The following POLE2 variants were observed in gnomAD, a reference collection of about 807,000 sequenced individuals.
POLE2 encodes the protein DNA polymerase epsilon 2, accessory subunit.
Under a neutral mutation model 79.4 loss-of-function variants are expected in POLE2, and 56 were observed. That is an observed-to-expected ratio of 0.71 (90% CI 0.57 to 0.88). The LOEUF is 0.88. POLE2 is among the 40% of genes least tolerant of loss of function. POLE2 has a pLI of 0.00. For missense variants in POLE2, 598 were observed against 638.9 expected (o/e 0.94, Z 0.69); for synonymous variants, 212 against 214.0 (o/e 0.99, Z 0.08).
Position 49,665,176 on chromosome 14 carries a change from AAAT to A in POLE2, c.577-16_577-14del, listed in dbSNP as rs769889971. On this transcript the variant is annotated splice_polypyrimidine_tract_variant and intron_variant, in intron 7 of 18. Transcript: ENST00000216367. ...GAAAAAATTTTCCCTAAAAAAATGA[AAAT>A]AAATAAATCCACATTTATGTAACAA... 1.3e-5 allele frequency: 15 copies of A among 1,140,628 alleles called. No individual in the cohort carries two copies. In the African/African-American group the frequency reaches 1.9e-4, roughly 14 times the overall value. The allele number at this position is 1,140,628 out of a possible 1,614,324, so 70.7% of individuals were successfully genotyped here.
intron 3 of POLE2, among the ~76,000 whole-genome samples, chr14:49,679,229 T>A (rs1322478402): frequency 6.6e-6 from 1 of 152,092 alleles, no homozygotes; most frequent in Admixed American, 6.6e-5. Context: ...GAAAGAGGGA[T>A]ATTCAGAGAA....
chr14:49,686,142 G>C (rs1248325262), intron 1 of POLE2, among the ~76,000 whole-genome samples: 1 of 152,158 alleles, frequency 6.6e-6, no homozygotes, highest in East Asian at 1.9e-4. Context: ...ACTCCTGGTA[G>C]TTACACCTAT....
chr14:49,677,314 G>T (rs1886352779), intron 3 of POLE2: 2 of 533,642 alleles, frequency 3.7e-6, no homozygotes, highest in South Asian at 4.4e-5. Context: ...TGGAGAGAAA[G>T]GCCGAAGGAC....
At position 49,655,062 on chromosome 14, in the gene POLE2, G is replaced by C; in HGVS notation, c.961C>G (p.Leu321Val). 1 of 1,565,356 alleles carries C rather than the reference G, an allele frequency of 6.4e-7. No homozygotes were observed. The change falls in exon 12 of 19, where the codon CTG (leucine) becomes GTG (valine). Residue 321 changes from leucine to valine, a missense_variant. Physicochemically the swap from Leu to Val is conservative, Grantham distance 32. Transcript: ENST00000216367. ...YSPAPPTCFI[L>V]CGNFSSAPYG... ...GGTGCAGATGAAAAATTACCACACA[G>C]AATAAAGCAGGTTGGAGGTGCTGGT... is the stretch of plus-strand genomic sequence containing the variant.
intron 15 of POLE2, among the ~76,000 whole-genome samples, chr14:49,651,828 C>T (rs1451296363): frequency 1.3e-5 from 2 of 151,990 alleles, no homozygotes; most frequent in Non-Finnish European, 2.9e-5. Flanking sequence ...AGGCTTGAAG[C>T]GGAAGAGGGA....
At chr14:49,655,610 A>G (rs988990517) in intron 11 of POLE2, 61 bp downstream of exon 11, 1 of 1,152,726 alleles carries the variant, frequency 8.7e-7, no homozygotes, top group Non-Finnish European at 1.3e-6. Flanking sequence ...GAATACTCAA[A>G]AAGTTTTAAA....
Position 49,664,662 on chromosome 14 carries a change from C to T in POLE2, c.646G>A (p.Gly216Ser). The part of the protein sequence containing the change: ...LDLSKAQFHS[G>S]LYTEACFVLA... ...ACAAAGCATGCCTCTGTGTATAAACCACTATGGAACTGGTACACAACAGTT... is the reference window on the plus strand; with the variant it reads ...ACAAAGCATGCCTCTGTGTATAAACTACTATGGAACTGGTACACAACAGTT... Residue 216 changes from glycine to serine, a missense_variant, in exon 9 of 19, where the codon GGT (glycine) becomes AGT (serine). Gly to Ser is a moderately conservative substitution (Grantham distance 56). Coordinates refer to ENST00000216367, the MANE Select transcript of POLE2 (RefSeq NM_002692.4). 1 of 1,588,904 alleles carries T rather than the reference C, an allele frequency of 6.3e-7. No individual in the cohort carries two copies. Among genetic ancestry groups the T allele is most frequent in the Non-Finnish European group, 8.6e-7 (1 of 1,157,304 alleles).
intron 6 of POLE2, among the ~76,000 whole-genome samples, chr14:49,667,332 A>G (rs1885560286): frequency 6.6e-6 from 1 of 152,182 alleles, no homozygotes; most frequent in South Asian, 2.1e-4. Context: ...CTATTCTGCA[A>G]CTTAACTAAT....
rs760820707 is a variant in POLE2 at position 49,654,165 on chromosome 14, T to C, written c.1123A>G (p.Ile375Val). 4 of 1,611,370 alleles carry C rather than the reference T, an allele frequency of 2.5e-6. No homozygotes were observed. The Admixed American group carries it at 5.0e-5, about 20-fold the overall frequency. Residue 375 changes from isoleucine to valine, a missense_variant, in exon 14 of 19, where the codon ATC becomes GTC. By Grantham distance (29) the Ile-to-Val change is conservative. Coordinates refer to ENST00000216367, the MANE Select transcript of POLE2 (RefSeq NM_002692.4). ...CTGAACAAAACTTACCTTGGTAAGA[T>C]GGAACCAAATCCAGGATCCTCTGGA... ...PGPEDPGFGSILPRPPLAESI... is the reference protein window; with the variant it reads ...PGPEDPGFGSVLPRPPLAESI...
At position 49,665,644 on chromosome 14, in the gene POLE2, T is replaced by G. The variant is rs114644463; in HGVS notation, c.577-481A>C. Among the ~76,000 whole-genome samples the G allele has an allele frequency of 5.3e-3, 811 of 151,752 alleles. 3 individuals carry two copies. The highest frequency in any genetic ancestry group is 0.019 in the African/African-American group (771 of 41,450). ...ACCAAACACAGATGAAAAAGACACT[T>G]GGTGACTGAGAAAAGGTTTTTGTTT... On this transcript the variant is annotated intron_variant, in intron 7 of 18. Transcript: ENST00000216367.
Position 49,654,221 on chromosome 14 carries a change from CA to C in POLE2, c.1074-8del. 6.3e-7 allele frequency: 1 copy of C among 1,587,590 alleles called. No homozygotes were observed. The highest frequency in any genetic ancestry group is 1.1e-5 in the South Asian group (1 of 89,442). On this transcript the variant is annotated splice_region_variant and splice_polypyrimidine_tract_variant and intron_variant, in intron 13 of 18. Coordinates refer to ENST00000216367, the MANE Select transcript of POLE2 (RefSeq NM_002692.4). ...TACAAACACAAAACGACTACTGTAG[CA>C]AAATTCAACACAATTCATTTAAAAA...
chr14:49,659,393 A>C (rs939057093), intron 10 of POLE2, among the ~76,000 whole-genome samples: 4 of 152,130 alleles, frequency 2.6e-5, no homozygotes, highest in South Asian at 2.1e-4. Context: ...AAGAGAGTAC[A>C]GTTGTATCAG....
rs187587616 is a variant in POLE2, at chr14:49,677,660, A to C, written c.245+2065T>G. The C allele has an allele frequency of 8.6e-6, 7 of 812,368 alleles. No individual in the cohort carries two copies. The Admixed American group carries it at 1.7e-4, about 20-fold the overall frequency. 50.3% of individuals were successfully genotyped at this position (812,368 alleles called of 1,614,324 possible). A position where few individuals can be genotyped will look rare whatever the true frequency, so the allele number is the denominator to read the frequency against. On this transcript the variant is annotated intron_variant, in intron 3 of 18. Transcript: ENST00000216367. ...CCTGGGCTGTGTGATATATGCCACA[A>C]TGTTTGGGGAAGGCCCTTACGAAAT...
At chr14:49,650,529 T>C in intron 16 of POLE2, 88 bp from the exon 17 acceptor site, 2 of 883,242 alleles carry the variant, frequency 2.3e-6, no homozygotes, top group Non-Finnish European at 3.1e-6. Context: ...AAATATTAAT[T>C]ACCAAAAGGA....
chr14:49,687,819 C>G (rs1887266117), intron 1 of POLE2, among the ~76,000 whole-genome samples: 1 of 152,058 alleles, frequency 6.6e-6, no homozygotes, highest in African/African-American at 2.4e-5. Context: ...CCTGCCTCAG[C>G]CTCCCAACTA....
At chr14:49,655,458 AACACACACACAC>A (rs35575577) in intron 11 of POLE2, among the ~76,000 whole-genome samples, 6 of 143,396 alleles carry the variant, frequency 4.2e-5, no homozygotes, top group East Asian at 2.1e-4. Context: ...CATGACTATA[AACACACACACAC>A]ACACACACAC....
At chr14:49,667,804 A>G (rs569694964) in intron 6 of POLE2, among the ~76,000 whole-genome samples, 43 of 152,280 alleles carry the variant, frequency 2.8e-4, no homozygotes, top group Non-Finnish European at 6.0e-4. Context: ...AGAAATTACC[A>G]AGTGGAGCTT....
At chr14:49,663,489 T>A in intron 9 of POLE2, 102 bp from the exon 10 acceptor site, 1 of 619,004 alleles carries the variant, frequency 1.6e-6, no homozygotes, top group Non-Finnish European at 2.6e-6. Flanking sequence ...TCTCATGCCC[T>A]GTGAACTAAT....
intron 5 of POLE2, among the ~76,000 whole-genome samples, chr14:49,670,082 G>A (rs910473071): frequency 2.0e-5 from 3 of 152,142 alleles, no homozygotes; most frequent in Non-Finnish European, 2.9e-5. Context: ...TTGGGAGGTC[G>A]AGGAGGGCGG....
Sources: gnomAD v4.1 joint callset for allele counts (sites outside exome capture counted in the v4.1 genomes callset) on GRCh38, gnomAD v4.1.1 for gene constraint, MANE v1.5 for transcripts, NCBI Gene and HGNC (gene_info 2026-07-23, HGNC 2026-07-21) for gene names.